Variants in HDGFL3 observed in about 807,000 individuals in gnomAD.
HDGFL3 encodes hepatoma-derived growth factor-related protein 3.
Under a neutral mutation model 27.6 loss-of-function variants are expected in HDGFL3, and 6 were observed. The ratio of observed to expected loss-of-function variants is 0.22; its 90% CI spans 0.12 to 0.43. HDGFL3 has a LOEUF of 0.43. Among genes scored for constraint, HDGFL3 ranks in the 20% least tolerant of loss-of-function variants. HDGFL3 has a pLI of 1.00. For missense variants in HDGFL3, 207 were observed against 250.1 expected (o/e 0.83, Z 1.16); for synonymous variants, 88 against 88.9 (o/e 0.99, Z 0.05).
At chr15:83,167,112 C>T (rs959912447) in intron 1 of HDGFL3, among the ~76,000 whole-genome samples, 11 of 152,210 alleles carry the variant, frequency 7.2e-5, no homozygotes, top group Non-Finnish European at 1.6e-4. Flanking sequence ...TATCTGTCAC[C>T]TGTCTTCCAG....
chr15:83,172,441 T>TA (rs1165647841), intron 1 of HDGFL3, among the ~76,000 whole-genome samples: 1 of 152,198 alleles, frequency 6.6e-6, no homozygotes, highest in African/African-American at 2.4e-5. Flanking sequence ...ACTTAATTAC[T>TA]AATAGCCTAT....
At chr15:83,179,030 C>G (rs1221376852) in intron 1 of HDGFL3, among the ~76,000 whole-genome samples, 1 of 152,182 alleles carries the variant, frequency 6.6e-6, no homozygotes, top group African/African-American at 2.4e-5. Context: ...TCAAACAGAA[C>G]AGGCACAGTT....
chr15:83,133,443 CTTA>C lies in HDGFL3; in HGVS notation c.*5824_*5826del, dbSNP rs2151385596. On this transcript the variant is annotated 3_prime_UTR_variant, in exon 6 of 6. Transcript: ENST00000299633. ...CTCTTAAAATTTAACCTTTGTTCAC[CTTA>C]TTGTCTCATTTGCCATTCCAATCAT... 1 of 152,138 alleles carries C rather than the reference CTTA, an allele frequency of 6.6e-6. No homozygotes were observed. Among genetic ancestry groups the C allele is most frequent in the South Asian group, 2.1e-4 (1 of 4,824 alleles). The allele number at this position is 152,138 out of a possible 1,614,324, so 9.4% of individuals were successfully genotyped here.
In HDGFL3 at chr15:83,130,933, A is replaced by G. The variant is rs1485670482; in HGVS notation, c.*8337T>C. Reference sequence around the variant, plus strand: ...TGGTAAAACCCCATCTCTACAAAAAATACAAAAATTAGGCTGGCGTGATGG... The same window carrying G: ...TGGTAAAACCCCATCTCTACAAAAAGTACAAAAATTAGGCTGGCGTGATGG... On this transcript the variant is annotated 3_prime_UTR_variant, in exon 6 of 6. Transcript: ENST00000299633. 6.6e-6 allele frequency: 1 copy of G among 152,084 alleles called. No individual in the cohort carries two copies. The highest frequency in any genetic ancestry group is 6.5e-5 in the Admixed American group (1 of 15,270). 9.4% of individuals were successfully genotyped at this position (152,084 alleles called of 1,614,324 possible).
At chr15:83,177,407 AT>A (rs1189383466) in intron 1 of HDGFL3, among the ~76,000 whole-genome samples, 1 of 152,222 alleles carries the variant, frequency 6.6e-6, no homozygotes, top group African/African-American at 2.4e-5. Flanking sequence ...CGCAAATAAC[AT>A]TTTTGAACTT....
intron 5 of HDGFL3, 93 bp from the exon 6 acceptor site, chr15:83,139,368 G>A: frequency 1.4e-6 from 1 of 726,736 alleles, no homozygotes; most frequent in Non-Finnish European, 2.0e-6. Context: ...TACATAATTG[G>A]GTTTTCTGAA....
chr15:83,176,864 A>C (rs2037318543), intron 1 of HDGFL3, among the ~76,000 whole-genome samples: 1 of 144,686 alleles, frequency 6.9e-6, no homozygotes. Context: ...TAAAAAAAAA[A>C]AGTACAAAAT....
intron 1 of HDGFL3, among the ~76,000 whole-genome samples, chr15:83,200,033 A>C (rs1228425611): frequency 2.1e-5 from 3 of 140,350 alleles, no homozygotes; most frequent in Non-Finnish European, 4.6e-5. Flanking sequence ...CGACAAAGCG[A>C]AACTCCATCT....
In HDGFL3 at chr15:83,128,749, A is replaced by T. The variant is rs2035988310; in HGVS notation, c.*10521T>A. 1 of 152,008 alleles carries T rather than the reference A, an allele frequency of 6.6e-6. No homozygotes were observed. Among genetic ancestry groups the T allele is most frequent in the Non-Finnish European group, 1.5e-5 (1 of 68,036 alleles). The allele number at this position is 152,008 out of a possible 1,614,324, so 9.4% of individuals were successfully genotyped here. ...TTTCATTATCTGTTTAAATAGTCCA[A>T]TTGCATCCAGCAACTCAAGCCAGAA... On this transcript the variant is annotated 3_prime_UTR_variant, in exon 6 of 6. Transcript: ENST00000299633.
intron 1 of HDGFL3, among the ~76,000 whole-genome samples, chr15:83,180,496 TAA>T (rs2037367483): frequency 6.6e-6 from 1 of 151,674 alleles, no homozygotes; most frequent in Non-Finnish European, 1.5e-5. Flanking sequence ...TGGATTTGGA[TAA>T]AGAGAAGTCT....
At chr15:83,194,403 A>G (rs541923077) in intron 1 of HDGFL3, among the ~76,000 whole-genome samples, 1 of 152,308 alleles carries the variant, frequency 6.6e-6, no homozygotes, top group South Asian at 2.1e-4. Flanking sequence ...ACTAGGAGGC[A>G]GGGAATGTAG....
At chr15:83,206,275 GA>G (rs2037713908) in intron 1 of HDGFL3, among the ~76,000 whole-genome samples, 1 of 151,862 alleles carries the variant, frequency 6.6e-6, no homozygotes, top group Non-Finnish European at 1.5e-5. Context: ...CAACATTTTA[GA>G]GCTCACACTA....
intron 1 of HDGFL3, among the ~76,000 whole-genome samples, chr15:83,173,823 A>G (rs572350220): frequency 6.6e-6 from 1 of 152,158 alleles, no homozygotes; most frequent in Non-Finnish European, 1.5e-5. Flanking sequence ...AAAGACTACA[A>G]ATAGGAAAGG....
Position 83,130,362 on chromosome 15 carries a change from A to C in HDGFL3, c.*8908T>G, listed in dbSNP as rs1298208493. The C allele has an allele frequency of 6.6e-6, 1 of 152,474 alleles. No individual in the cohort carries two copies. The highest frequency in any genetic ancestry group is 1.5e-5 in the Non-Finnish European group (1 of 68,222). 9.4% of individuals were successfully genotyped at this position (152,474 alleles called of 1,614,324 possible). A position where few individuals can be genotyped will look rare whatever the true frequency, so the allele number is the denominator to read the frequency against. ...CCAGCCAAGTGGTTCTGAGAAGGGC[A>C]GTGTGGACTACAGAGCAGCTGGCAG... On this transcript the variant is annotated 3_prime_UTR_variant, in exon 6 of 6. Transcript: ENST00000299633.
Position 83,207,294 on chromosome 15 carries a change from G to T in HDGFL3, c.84+37C>A. The T allele has an allele frequency of 7.7e-7, 1 of 1,295,424 alleles. No individual in the cohort carries two copies. The allele number at this position is 1,295,424 out of a possible 1,614,324, so 80.2% of individuals were successfully genotyped here. ...GCGCGCCATCATGAAGGGGAAAATG[G>T]TGGGCGGGCGGGCCCGCGCGCGGCC... On this transcript the variant is annotated intron_variant, in intron 1 of 5. Coordinates refer to ENST00000299633, the MANE Select transcript of HDGFL3 (RefSeq NM_016073.4). This position sits in a 1 kb window ranked among gnomAD's most constrained non-coding sequence, Gnocchi z 4.8.
chr15:83,184,172 T>C (rs944564824), intron 1 of HDGFL3, among the ~76,000 whole-genome samples: 1 of 152,230 alleles, frequency 6.6e-6, no homozygotes, highest in Non-Finnish European at 1.5e-5. Flanking sequence ...AAAAATGATA[T>C]GCGATATCAA....
At chr15:83,181,875 CCA>C (rs2037385778) in intron 1 of HDGFL3, among the ~76,000 whole-genome samples, 2 of 152,190 alleles carry the variant, frequency 1.3e-5, no homozygotes, top group South Asian at 4.1e-4. Context: ...AAGCTATTGT[CCA>C]CATAGATTCT....
At chr15:83,186,827 A>G (rs1260728574) in intron 1 of HDGFL3, among the ~76,000 whole-genome samples, 1 of 152,188 alleles carries the variant, frequency 6.6e-6, no homozygotes, top group Non-Finnish European at 1.5e-5. Flanking sequence ...ACTTTACCGC[A>G]ATATAATGCA....
exon 4 of HDGFL3, chr15:83,114,223 C>T (rs1340456577): frequency 6.6e-6 from 1 of 152,596 alleles, no homozygotes; most frequent in African/African-American, 2.4e-5. Flanking sequence ...CCTGACTCTT[C>T]AAGGCTGGGC....
Sources: allele counts gnomAD v4.1 joint callset (sites outside exome capture counted in the v4.1 genomes callset), GRCh38; gene constraint gnomAD v4.1.1; non-coding constraint Gnocchi (gnomAD v3.1); transcripts MANE v1.5; gene names NCBI Gene and HGNC (gene_info 2026-07-23, HGNC 2026-07-21).